Variants in PEX16 observed in about 807,000 individuals in gnomAD.
PEX16 encodes the protein peroxin 16.
A neutral mutation model predicts 50.5 loss-of-function variants in PEX16; 37 were observed. The observed-to-expected ratio is 0.73, with a 90% CI of 0.56 to 0.96. PEX16 has a LOEUF of 0.96. Ranked by LOEUF, PEX16 falls within the 40% of genes least tolerant of loss-of-function variation. The pLI is 0.00. For missense variants in PEX16, 401 were observed against 438.3 expected, an observed-to-expected ratio of 0.91 and a Z score of 0.76; for synonymous variants, 185 against 190.3, an observed-to-expected ratio of 0.97 and a Z score of 0.23.
chr11:45,911,030 C>T, intron 9 of PEX16, 68 bp from the exon 10 acceptor site: 3 of 1,100,538 alleles, frequency 2.7e-6, no homozygotes, highest in Non-Finnish European at 4.2e-6. Flanking sequence ...ACCAGGAGGC[C>T]CAGAGGCCTT....
chr11:45,917,073 GGA>G (rs1565082611), intron 2 of PEX16: 1 of 537,748 alleles, frequency 1.9e-6, no homozygotes, highest in Admixed American at 2.2e-5. Flanking sequence ...CTGGAATCTG[GGA>G]GATCTAGACT....
At position 45,910,146 on chromosome 11, in the gene PEX16, C is replaced by T. The variant is rs1487516841; in HGVS notation, c.*108G>A. The T allele has an allele frequency of 5.6e-6, 9 of 1,611,864 alleles. No homozygotes were observed. The highest frequency in any genetic ancestry group is 4.5e-5 in the East Asian group (2 of 44,880). Reference sequence around the variant, plus strand: ...ACCAGGGCTGTGTGTGGGGCCTGGCCGGTAGGCACGGAGAGGCCGCACGCT... The same window carrying T: ...ACCAGGGCTGTGTGTGGGGCCTGGCTGGTAGGCACGGAGAGGCCGCACGCT... On this transcript the variant is annotated 3_prime_UTR_variant, in exon 11 of 11. Transcript: ENST00000378750.
At chr11:45,914,752 T>C in intron 5 of PEX16, 68 bp from the exon 6 acceptor site, 1 of 1,332,590 alleles carries the variant, frequency 7.5e-7, no homozygotes. Flanking sequence ...GCAAAGAACG[T>C]GTGCAGTGAA....
At chr11:45,918,802 A>T (rs2086869046), upstream of PEX16, 1 of 152,200 alleles carries the variant, frequency 6.6e-6, no homozygotes, top group African/African-American at 2.4e-5. Context: ...AACGGGTGGC[A>T]CCGGGAGATC....
At chr11:45,915,348 T>G in intron 5 of PEX16, 120 bp downstream of exon 5, 2 of 730,392 alleles carry the variant, frequency 2.7e-6, no homozygotes. Context: ...TGAGAACACA[T>G]AGTTGATAGG....
chr11:45,910,304 T>G lies in PEX16; in HGVS notation c.961A>C (p.Met321Leu). Residue 321 changes from methionine to leucine, a missense_variant, in exon 11 of 11, where the codon ATG becomes CTG. Physicochemically the swap from Met to Leu is conservative, Grantham distance 15. Transcript: ENST00000378750. Reference sequence around the variant, plus strand: ...TTCTGCCAGGTGGGCAAGTAATCCATGAGCGGCCCTGCAGTGGGAGAGGGA... The same window carrying G: ...TTCTGCCAGGTGGGCAAGTAATCCAGGAGCGGCCCTGCAGTGGGAGAGGGA... ...PGVGLVTRPLMDYLPTWQKIY... is the reference protein window; with the variant it reads ...PGVGLVTRPLLDYLPTWQKIY... 6.2e-7 allele frequency: 1 copy of G among 1,610,658 alleles called. No individual in the cohort carries two copies. Among genetic ancestry groups the G allele is most frequent in the Non-Finnish European group, 8.5e-7 (1 of 1,178,124 alleles).
intron 1 of PEX16, 80 bp from the exon 2 acceptor site, chr11:45,917,573 A>AAGGG: frequency 6.4e-7 from 1 of 1,562,584 alleles, no homozygotes; most frequent in Non-Finnish European, 8.8e-7. Context: ...TCCCCTCCCT[A>AAGGG]CGCCCTTTGG....
intron 4 of PEX16, 56 bp from the exon 5 acceptor site, chr11:45,915,624 G>C (rs1412312867): frequency 6.2e-7 from 1 of 1,611,926 alleles, no homozygotes; most frequent in Non-Finnish European, 8.5e-7. Flanking sequence ...CGGGAGGCCA[G>C]GGATGCTCTG....
intron 5 of PEX16, among the ~76,000 whole-genome samples, chr11:45,914,897 G>C (rs1277615820): frequency 6.6e-6 from 1 of 152,200 alleles, no homozygotes; most frequent in Non-Finnish European, 1.5e-5. Context: ...CCCTAGCCTG[G>C]GGAAAGCTCA....
chr11:45,915,265 T>C (rs2086821871), intron 5 of PEX16, among the ~76,000 whole-genome samples: 1 of 152,234 alleles, frequency 6.6e-6, no homozygotes, highest in African/African-American at 2.4e-5. Flanking sequence ...ACTCTGGCCA[T>C]GACAAGTACT....
rs2086810195 is a variant in PEX16, at chr11:45,914,368, C to G, written c.642G>C (p.Gly214=). 6.2e-7 allele frequency: 1 copy of G among 1,611,264 alleles called. No homozygotes were observed. The highest frequency in any genetic ancestry group is 8.5e-7 in the Non-Finnish European group (1 of 1,180,030). ...EELSATPTPL[G]LQETIAEFLY... ...AAAACTCTGCGATGGTCTCCTGCAG[C>G]CCCAGGGGGGTGGGGGTCGCACTCA... The change falls in exon 7 of 11, where the codon GGG becomes GGC. Residue 214 remains glycine (G), a synonymous_variant. Transcript: ENST00000378750.
intron 2 of PEX16, chr11:45,917,024 C>T (rs1368523924): frequency 2.1e-6 from 1 of 479,310 alleles, no homozygotes; most frequent in Non-Finnish European, 4.1e-6. Flanking sequence ...ACAGCAGTCA[C>T]TGGGCAAACA....
rs771392637 is a variant in PEX16 at position 45,910,054 on chromosome 11, G to A, written c.*200C>T. On this transcript the variant is annotated 3_prime_UTR_variant, in exon 11 of 11. Transcript: ENST00000378750. ...CTTCTTGGCCCAGCAGTGACAAGGT[G>A]CGGGCTGCAGTGGCATCGTCACAGG... The A allele has an allele frequency of 5.1e-6, 8 of 1,562,550 alleles. No homozygotes were observed. The highest frequency in any genetic ancestry group is 2.3e-4 in the Middle Eastern group (1 of 4,380).
chr11:45,909,911 G>A lies in PEX16; in HGVS notation c.*343C>T. The A allele has an allele frequency of 1.6e-6, 1 of 635,274 alleles. No individual in the cohort carries two copies. The highest frequency in any genetic ancestry group is 2.8e-6 in the Non-Finnish European group (1 of 353,608). 39.4% of individuals were successfully genotyped at this position (635,274 alleles called of 1,614,324 possible). Reference sequence around the variant, plus strand: ...GGCTTCCTGTCCTCACCAGGGGCCAGCGAGAGAGCAGCAGTGTTCGCTCCT... The same window carrying A: ...GGCTTCCTGTCCTCACCAGGGGCCAACGAGAGAGCAGCAGTGTTCGCTCCT... On this transcript the variant is annotated 3_prime_UTR_variant, in exon 11 of 11. Coordinates refer to ENST00000378750, the MANE Select transcript of PEX16 (RefSeq NM_004813.4).
intron 9 of PEX16, among the ~76,000 whole-genome samples, chr11:45,911,219 C>A (rs2086775148): frequency 1.3e-5 from 2 of 152,224 alleles, no homozygotes; most frequent in Non-Finnish European, 2.9e-5. Flanking sequence ...TTCCTCTTTC[C>A]CCTTCCACCG....
At chr11:45,913,518 A>T (rs1045861248) in intron 9 of PEX16, among the ~76,000 whole-genome samples, 1 of 152,230 alleles carries the variant, frequency 6.6e-6, no homozygotes, top group Non-Finnish European at 1.5e-5. Flanking sequence ...AGTGGAAATG[A>T]GCTAGAGGCC....
chr11:45,917,128 C>A, intron 2 of PEX16: 1 of 628,794 alleles, frequency 1.6e-6, no homozygotes, highest in Non-Finnish European at 3.0e-6. Flanking sequence ...TCTCTAACCT[C>A]ACTGAGCTTC....
chr11:45,916,546 T>C (rs561432586), intron 2 of PEX16, among the ~76,000 whole-genome samples: 1 of 152,388 alleles, frequency 6.6e-6, no homozygotes, highest in Admixed American at 6.5e-5. Context: ...ACTGCCCTGC[T>C]GGATGGCACT....
intron 9 of PEX16, among the ~76,000 whole-genome samples, chr11:45,911,184 C>T (rs908686178): frequency 6.6e-6 from 1 of 152,216 alleles, no homozygotes; most frequent in African/African-American, 2.4e-5. Context: ...TCGGGGTGGC[C>T]GCTGACCCAC....
Sources: gnomAD v4.1 joint callset for allele counts (sites outside exome capture counted in the v4.1 genomes callset) on GRCh38, gnomAD v4.1.1 for gene constraint, MANE v1.5 for transcripts, NCBI Gene and HGNC (gene_info 2026-07-23, HGNC 2026-07-21) for gene names.